TBC1D19: variants seen among roughly 807,000 people sequenced by gnomAD.
The protein encoded by TBC1D19 is TBC1 domain family, member 19.
TBC1D19 carries 60 observed loss-of-function variants against 89.0 expected under a neutral mutation model. The observed-to-expected ratio is 0.67, with a 90% CI of 0.55 to 0.84. TBC1D19 has a LOEUF of 0.84. Ranked by LOEUF, TBC1D19 falls within the 40% of genes least tolerant of loss-of-function variation. The pLI, the probability that TBC1D19 is intolerant of heterozygous loss-of-function variation, is 0.00. For synonymous variants in TBC1D19, 189 were observed against 199.7 expected (o/e 0.95, Z 0.45); for missense variants, 500 against 610.8 (o/e 0.82, Z 1.91).
chr4:26,814,824 C>T, the TBC1D19 span, among the ~76,000 whole-genome samples: 42 of 152,222 alleles, frequency 2.8e-4, no homozygotes, highest in African/African-American at 9.9e-4. Flanking sequence ...AGTTCAAGAC[C>T]AGCCTGAGCA....
intron 1 of TBC1D19, among the ~76,000 whole-genome samples, chr4:26,604,586 A>G (rs546496098): frequency 7.3e-5 from 11 of 149,876 alleles, no homozygotes; most frequent in Admixed American, 6.7e-4. Context: ...TAATGCTACT[A>G]TGGGCCGGGC....
intron 8 of TBC1D19, among the ~76,000 whole-genome samples, chr4:26,661,432 G>C (rs908614696): frequency 6.6e-6 from 1 of 152,072 alleles, no homozygotes; most frequent in Non-Finnish European, 1.5e-5. Flanking sequence ...CTATAAAATT[G>C]CCTCACAGTG....
the TBC1D19 span, among the ~76,000 whole-genome samples, chr4:26,825,438 A>G: frequency 4.6e-5 from 7 of 152,150 alleles, no homozygotes. Context: ...GTAACTAGGT[A>G]TATAAGGGCA....
intron 13 of TBC1D19, among the ~76,000 whole-genome samples, chr4:26,705,990 G>A (rs1418903720): frequency 6.6e-6 from 1 of 152,042 alleles, no homozygotes; most frequent in Non-Finnish European, 1.5e-5. Flanking sequence ...CACATGCACT[G>A]TACCCTTGGA....
At chr4:26,642,550 T>C (rs930374380) in intron 7 of TBC1D19, among the ~76,000 whole-genome samples, 4 of 152,182 alleles carry the variant, frequency 2.6e-5, no homozygotes, top group African/African-American at 4.8e-5. Context: ...GCTAACATCA[T>C]AATGACAGGA....
chr4:26,678,962 A>G (rs1405213068), intron 11 of TBC1D19, among the ~76,000 whole-genome samples: 1 of 152,194 alleles, frequency 6.6e-6, no homozygotes, highest in Non-Finnish European at 1.5e-5. Context: ...TAGGGTAAGT[A>G]TCTGGTGGAA....
chr4:26,819,094 G>A, the TBC1D19 span, among the ~76,000 whole-genome samples: 1 of 152,232 alleles, frequency 6.6e-6, no homozygotes, highest in Non-Finnish European at 1.5e-5. Flanking sequence ...ACTTCCTGGG[G>A]CAGCCGCTGG....
At chr4:26,637,176 C>T (rs1301420688) in intron 4 of TBC1D19, 35 bp from the exon 5 acceptor site, 1 of 1,438,374 alleles carries the variant, frequency 7.0e-7, no homozygotes, top group East Asian at 2.3e-5. Flanking sequence ...AGTATTGTTA[C>T]TGGAAAAGAT....
At chr4:26,632,389 A>G (rs1466243518) in intron 4 of TBC1D19, among the ~76,000 whole-genome samples, 1 of 151,348 alleles carries the variant, frequency 6.6e-6, no homozygotes, top group Non-Finnish European at 1.5e-5. Flanking sequence ...CTATATTCTT[A>G]TAATAAGGAA....
chr4:26,581,587 A>G (rs144206498), upstream of TBC1D19, among the ~76,000 whole-genome samples: 4 of 152,292 alleles, frequency 2.6e-5, no homozygotes, highest in East Asian at 7.7e-4. Flanking sequence ...TCCATGGTGT[A>G]TATGTGCCAC....
At chr4:26,594,564 C>G (rs890118113) in intron 1 of TBC1D19, among the ~76,000 whole-genome samples, 16 of 152,088 alleles carry the variant, frequency 1.1e-4, no homozygotes, top group East Asian at 3.9e-4. Context: ...CAGATAAACT[C>G]AAGCCGTAAA....
intron 1 of TBC1D19, among the ~76,000 whole-genome samples, chr4:26,609,550 A>G (rs1342668914): frequency 1.3e-5 from 2 of 152,056 alleles, no homozygotes; most frequent in African/African-American, 4.8e-5. Flanking sequence ...ACAGTTGGGA[A>G]ATCAGTGAAT....
chr4:26,588,632 A>T (rs568537507), intron 1 of TBC1D19, among the ~76,000 whole-genome samples: 3 of 152,242 alleles, frequency 2.0e-5, no homozygotes, highest in East Asian at 1.9e-4. Context: ...ATTAAAATTT[A>T]AAAAAATTCT....
chr4:26,850,686 T>G, the TBC1D19 span, among the ~76,000 whole-genome samples: 1 of 152,054 alleles, frequency 6.6e-6, no homozygotes, highest in African/African-American at 2.4e-5. Context: ...CTCACAGTCC[T>G]CAGAAGGAAC....
chr4:26,624,938 T>C (rs1216796851), intron 4 of TBC1D19, among the ~76,000 whole-genome samples: 1 of 152,122 alleles, frequency 6.6e-6, no homozygotes, highest in East Asian at 1.9e-4. Context: ...TCCCACCAGG[T>C]TATTCTTTGC....
At chr4:26,603,326 A>G (rs900046795) in intron 1 of TBC1D19, among the ~76,000 whole-genome samples, 14 of 152,196 alleles carry the variant, frequency 9.2e-5, no homozygotes, top group East Asian at 1.9e-4. Flanking sequence ...ATCAGTGTAT[A>G]ATGTTACAAA....
intron 1 of TBC1D19, among the ~76,000 whole-genome samples, chr4:26,601,279 A>G (rs986789307): frequency 6.6e-6 from 1 of 152,172 alleles, no homozygotes; most frequent in Admixed American, 6.5e-5. Flanking sequence ...ACAAATGGAA[A>G]CATACAGTAT....
At chr4:26,789,050 A>G in the TBC1D19 span, among the ~76,000 whole-genome samples, 10 of 152,120 alleles carry the variant, frequency 6.6e-5, no homozygotes, top group African/African-American at 2.4e-4. Flanking sequence ...AATTGACCTT[A>G]GTGTATCTTC....
At chr4:26,789,827 G>C in the TBC1D19 span, among the ~76,000 whole-genome samples, 1 of 152,098 alleles carries the variant, frequency 6.6e-6, no homozygotes, top group Non-Finnish European at 1.5e-5. Context: ...AAAATGTGGA[G>C]TATACATACC....
Sources: gnomAD v4.1 joint callset for allele counts (sites outside exome capture counted in the v4.1 genomes callset) on GRCh38, gnomAD v4.1.1 for gene constraint, MANE v1.5 for transcripts, NCBI Gene and HGNC (gene_info 2026-07-23, HGNC 2026-07-21) for gene names.